The following PAG1 variants were observed in gnomAD, a reference collection of about 807,000 sequenced individuals.
PAG1 encodes phosphoprotein membrane anchor with glycosphingolipid microdomains 1.
PAG1 carries 23 observed loss-of-function variants against 31.7 expected under a neutral mutation model. That is an observed-to-expected ratio of 0.73 (90% CI 0.52 to 1.03). The LOEUF is 1.03. PAG1 is among the 50% of genes least tolerant of loss of function. PAG1 has a pLI of 0.00. For missense variants in PAG1, 473 were observed against 540.7 expected (o/e 0.87, Z 1.24); for synonymous variants, 214 against 210.3 (o/e 1.02, Z -0.15).
chr8:81,012,651 T>C (rs568148142), intron 3 of PAG1, among the ~76,000 whole-genome samples: 4 of 152,348 alleles, frequency 2.6e-5, no homozygotes, highest in East Asian at 3.9e-4. Flanking sequence ...TAATTTATAA[T>C]TGAATTTAAC....
intron 1 of PAG1, among the ~76,000 whole-genome samples, chr8:81,091,243 C>T (rs1456773243): frequency 7.2e-5 from 11 of 152,164 alleles, no homozygotes; most frequent in South Asian, 6.2e-4. Flanking sequence ...CATATTGGGG[C>T]ACACTGACAA....
At chr8:81,036,286 C>T (rs1358437423) in intron 2 of PAG1, among the ~76,000 whole-genome samples, 2 of 152,120 alleles carry the variant, frequency 1.3e-5, no homozygotes, top group Non-Finnish European at 2.9e-5. Flanking sequence ...TTAATCAGTG[C>T]TCTCTGGATA....
At chr8:81,064,400 C>T (rs931877451) in intron 2 of PAG1, among the ~76,000 whole-genome samples, 6 of 152,172 alleles carry the variant, frequency 3.9e-5, no homozygotes, top group African/African-American at 1.4e-4. Context: ...AGGCTGAAAA[C>T]CCCTGCTCTA....
intron 1 of PAG1, among the ~76,000 whole-genome samples, chr8:81,075,876 C>A (rs1288377264): frequency 1.3e-5 from 2 of 152,210 alleles, no homozygotes; most frequent in Non-Finnish European, 2.9e-5. Flanking sequence ...AAGGTGTAAA[C>A]AAGGGTCTCT....
intron 1 of PAG1, among the ~76,000 whole-genome samples, chr8:81,091,399 G>A (rs953811870): frequency 2.0e-5 from 3 of 152,014 alleles, no homozygotes; most frequent in Non-Finnish European, 4.4e-5. Context: ...ACTTAATGAC[G>A]GGGATACATC....
At chr8:81,038,126 G>A (rs888606664) in intron 2 of PAG1, among the ~76,000 whole-genome samples, 7 of 152,306 alleles carry the variant, frequency 4.6e-5, no homozygotes, top group Admixed American at 1.3e-4. Context: ...GGGGTTGGAG[G>A]GTTGCTGCCC....
intron 3 of PAG1, among the ~76,000 whole-genome samples, chr8:80,998,683 C>T (rs1213331459): frequency 2.6e-5 from 4 of 152,014 alleles, no homozygotes; most frequent in Non-Finnish European, 5.9e-5. Context: ...CAGGTAGGTT[C>T]TCTGATCATA....
At chr8:81,005,567 A>G (rs566919603) in intron 3 of PAG1, among the ~76,000 whole-genome samples, 2 of 152,224 alleles carry the variant, frequency 1.3e-5, no homozygotes, top group South Asian at 4.1e-4. Flanking sequence ...CTTGGACCCG[A>G]TACAAAAGGC....
chr8:81,082,568 T>C (rs1809287180), intron 1 of PAG1, among the ~76,000 whole-genome samples: 2 of 152,318 alleles, frequency 1.3e-5, no homozygotes, highest in South Asian at 2.1e-4. Context: ...ATGTCAAGTG[T>C]AGTTCCACAG....
At chr8:81,058,406 A>T (rs1200015199) in intron 2 of PAG1, 1 of 152,242 alleles carries the variant, frequency 6.6e-6, no homozygotes, top group Non-Finnish European at 1.5e-5. Flanking sequence ...CTTTCTTAAC[A>T]TCCCCACTTA....
At chr8:81,020,946 C>T (rs1412499560) in intron 3 of PAG1, among the ~76,000 whole-genome samples, 6 of 152,344 alleles carry the variant, frequency 3.9e-5, no homozygotes, top group Non-Finnish European at 8.8e-5. Flanking sequence ...TCTGACTTCA[C>T]AGATACGAAA....
chr8:81,022,845 C>G (rs184708565), intron 3 of PAG1, among the ~76,000 whole-genome samples: 1 of 152,248 alleles, frequency 6.6e-6, no homozygotes, highest in East Asian at 1.9e-4. Flanking sequence ...ACAGCAAGAA[C>G]TGCTTTATAA....
At chr8:81,096,060 G>T (rs1809523812) in intron 1 of PAG1, among the ~76,000 whole-genome samples, 2 of 152,128 alleles carry the variant, frequency 1.3e-5, no homozygotes, top group African/African-American at 4.8e-5. Flanking sequence ...TTTCACATTG[G>T]ATTTCCTTAA....
At chr8:81,105,775 C>T (rs759724788) in intron 1 of PAG1, among the ~76,000 whole-genome samples, 11 of 152,066 alleles carry the variant, frequency 7.2e-5, no homozygotes, top group Non-Finnish European at 1.3e-4. Context: ...TACAGTGAGA[C>T]GAGATGCCTG....
At chr8:80,987,940 T>C (rs1807459768) in intron 5 of PAG1, among the ~76,000 whole-genome samples, 1 of 152,158 alleles carries the variant, frequency 6.6e-6, no homozygotes, top group African/African-American at 2.4e-5. Flanking sequence ...TTAAGTAAAA[T>C]AAAATACACT....
intron 3 of PAG1, among the ~76,000 whole-genome samples, chr8:81,014,742 G>C (rs1000060135): frequency 2.0e-5 from 3 of 152,170 alleles, no homozygotes; most frequent in Admixed American, 2.0e-4. Context: ...AAGAAAGTGA[G>C]AGACATGAGG....
At chr8:81,096,991 GT>G (rs1386668220) in intron 1 of PAG1, among the ~76,000 whole-genome samples, 9 of 152,200 alleles carry the variant, frequency 5.9e-5, no homozygotes. Context: ...AGAGTTGTTT[GT>G]TTTTTAATCT....
chr8:81,056,151 A>C (rs964725271), intron 2 of PAG1, among the ~76,000 whole-genome samples: 1 of 152,182 alleles, frequency 6.6e-6, no homozygotes, highest in Admixed American at 6.5e-5. Context: ...TAATTTGTTG[A>C]GAGTTTTTAG....
At chr8:81,063,053 G>A (rs942197735) in intron 2 of PAG1, among the ~76,000 whole-genome samples, 1 of 152,234 alleles carries the variant, frequency 6.6e-6, no homozygotes, top group Non-Finnish European at 1.5e-5. Context: ...TGAAGGAATA[G>A]TGCAGAGCTG....
Sources: gnomAD v4.1 joint callset for allele counts (sites outside exome capture counted in the v4.1 genomes callset) on GRCh38, gnomAD v4.1.1 for gene constraint, MANE v1.5 for transcripts, NCBI Gene and HGNC (gene_info 2026-07-23, HGNC 2026-07-21) for gene names.